Variants in CHPT1 observed in about 807,000 individuals in gnomAD.
CHPT1 encodes the protein choline phosphotransferase 1.
In CHPT1, 36 loss-of-function variants were observed where a neutral mutation model predicts 47.6. The observed-to-expected ratio is 0.76, with a 90% CI of 0.58 to 1.00. The LOEUF is 1.00. Among genes scored for constraint, CHPT1 ranks in the 50% least tolerant of loss-of-function variants. CHPT1 has a pLI of 0.00. For synonymous variants in CHPT1, 194 were observed against 186.3 expected (o/e 1.04, Z -0.33); for missense variants, 458 against 498.1 (o/e 0.92, Z 0.77).
chr12:101,716,661 G>C lies in CHPT1; in HGVS notation c.564-67G>C, dbSNP rs1225431462. 3.2e-6 allele frequency: 3 copies of C among 948,640 alleles called. No homozygotes were observed. In the African/African-American group the frequency reaches 5.0e-5, roughly 16 times the overall value. 58.8% of individuals were successfully genotyped at this position (948,640 alleles called of 1,614,324 possible). ...TTTACATCTTTGCTATTTAATATGT[G>C]ATGAACCTCCATATTCAGGAATTTT... is the stretch of plus-strand genomic sequence containing the variant. On this transcript the variant is annotated intron_variant, in intron 3 of 8. Transcript: ENST00000229266.
rs540254421 is a variant in CHPT1, at chr12:101,707,542, G to A, written c.274-6548G>A. Among the ~76,000 whole-genome samples the A allele has an allele frequency of 2.4e-4, 37 of 152,218 alleles. No individual in the cohort carries two copies. The South Asian group carries it at 7.3e-3, about 30-fold the overall frequency. On this transcript the variant is annotated intron_variant, in intron 1 of 8. Transcript: ENST00000229266. ...TGTCACACTTGGTCCATTAATTGAG[G>A]GATATTGGTTAAACATATACTGTGT...
intron 5 of CHPT1, among the ~76,000 whole-genome samples, chr12:101,721,541 TTATA>T (rs779472120): frequency 1.1e-4 from 17 of 152,308 alleles, no homozygotes; most frequent in South Asian, 2.1e-4. Context: ...TGAATACACT[TTATA>T]TACATAATTC....
chr12:101,724,831 AAATC>A (rs1259164484), intron 7 of CHPT1, among the ~76,000 whole-genome samples: 2 of 152,210 alleles, frequency 1.3e-5, no homozygotes, highest in Non-Finnish European at 2.9e-5. Context: ...AAGGAAAAGA[AAATC>A]AATATTGGTA....
chr12:101,714,878 C>T, intron 3 of CHPT1: 1 of 348,684 alleles, frequency 2.9e-6, no homozygotes. Context: ...CCAACTTAAT[C>T]ATTAGCCCAA....
intron 7 of CHPT1, 38 bp from the exon 8 acceptor site, chr12:101,726,256 T>C: frequency 7.4e-7 from 1 of 1,351,784 alleles, no homozygotes; most frequent in Non-Finnish European, 1.1e-6. Context: ...AAAAGATAGA[T>C]CATAATCGAT....
chr12:101,725,653 A>G (rs368295086), intron 7 of CHPT1, among the ~76,000 whole-genome samples: 2 of 151,880 alleles, frequency 1.3e-5, no homozygotes, highest in East Asian at 1.9e-4. Context: ...CACACACACA[A>G]TGTGGTACTT....
chr12:101,699,286 C>A (rs556677800), intron 1 of CHPT1, among the ~76,000 whole-genome samples: 36 of 152,230 alleles, frequency 2.4e-4, no homozygotes, highest in Non-Finnish European at 4.3e-4. Context: ...CAAGGTTTCA[C>A]CATGTTGGCC....
At chr12:101,727,284 A>ATAAG (rs1951976380) in intron 8 of CHPT1, 1 of 152,304 alleles carries the variant, frequency 6.6e-6, no homozygotes, top group African/African-American at 2.4e-5. Context: ...AAGGGATAAA[A>ATAAG]TAAGTAAAAG....
intron 1 of CHPT1, among the ~76,000 whole-genome samples, chr12:101,706,070 G>A (rs1951627572): frequency 6.6e-6 from 1 of 151,992 alleles, no homozygotes. Context: ...TAGAATACGT[G>A]GCTGGGTGCG....
At chr12:101,719,156 G>GAA (rs779382436) in intron 4 of CHPT1, among the ~76,000 whole-genome samples, 19,730 of 95,000 alleles carry the variant, frequency 0.21, 2,155 homozygotes, top group East Asian at 0.49. Context: ...CTCGTCTCAA[G>GAA]AAAAAAAAAA....
At chr12:101,699,374 TA>T (rs1566033901) in intron 1 of CHPT1, among the ~76,000 whole-genome samples, 14 of 147,360 alleles carry the variant, frequency 9.5e-5, no homozygotes, top group African/African-American at 3.3e-4. Context: ...TTGGTATGCT[TA>T]TTATGTATTT....
chr12:101,719,413 A>C (rs73392417), intron 4 of CHPT1: 1 of 519,320 alleles, frequency 1.9e-6, no homozygotes, highest in African/African-American at 2.0e-5. Flanking sequence ...ATTTCAGTCT[A>C]TTTTCTAAAC....
intron 1 of CHPT1, among the ~76,000 whole-genome samples, chr12:101,711,683 C>CA (rs1225222137): frequency 1.4e-5 from 2 of 148,018 alleles, no homozygotes; most frequent in Admixed American, 6.9e-5. Context: ...GCCACAAAAA[C>CA]AAAAAAATGG....
Position 101,698,174 on chromosome 12 carries a change from C to A in CHPT1, c.273+40C>A, listed in dbSNP as rs1594117755. 2.2e-6 allele frequency: 3 copies of A among 1,392,028 alleles called. No homozygotes were observed. In the East Asian group the frequency reaches 9.1e-5, roughly 42 times the overall value. 86.2% of individuals were successfully genotyped at this position (1,392,028 alleles called of 1,614,324 possible). On this transcript the variant is annotated intron_variant, in intron 1 of 8. Coordinates refer to ENST00000229266, the MANE Select transcript of CHPT1 (RefSeq NM_020244.3). ...TCGCCCGAGCCGGGCCCCAGATGCG[C>A]TGCGGGCGGGTCGCTGGAGGCGCCG...
In CHPT1 at chr12:101,697,882, C is replaced by A. The variant is rs1274005845; in HGVS notation, c.21C>A (p.Ala7=). Reference sequence around the variant, plus strand: ...CGGCCATGGCGGCAGGCGCCGGGGCCGGGTCCGCGCCGCGCTGGCTGAGGG... The same window carrying A: ...CGGCCATGGCGGCAGGCGCCGGGGCAGGGTCCGCGCCGCGCTGGCTGAGGG... The part of the protein sequence containing the change: MAAGAG[A]GSAPRWLRAL... Residue 7 remains alanine (A), a synonymous_variant, in exon 1 of 9, where the codon GCC becomes GCA. Coordinates refer to ENST00000229266, the MANE Select transcript of CHPT1 (RefSeq NM_020244.3). 5 of 1,210,754 alleles carry A rather than the reference C, an allele frequency of 4.1e-6. No homozygotes were observed. In the African/African-American group the frequency reaches 7.9e-5, roughly 19 times the overall value. The allele number at this position is 1,210,754 out of a possible 1,614,324, so 75.0% of individuals were successfully genotyped here. A position where few individuals can be genotyped will look rare whatever the true frequency, so the allele number is the denominator to read the frequency against.
rs115013475 is a variant in CHPT1 at position 101,728,744 on chromosome 12, T to C, written c.1177-157T>C. 2,667 of 761,196 alleles carry C rather than the reference T, an allele frequency of 3.5e-3. 51 individuals are homozygous for C. In the African/African-American group the frequency reaches 0.043, roughly 12 times the overall value. The allele number at this position is 761,196 out of a possible 1,614,324, so 47.2% of individuals were successfully genotyped here. ...AAGCTTAATACATATTCTTTAGGAA[T>C]AGTTGCTAACTAACTCATAACTATT... On this transcript the variant is annotated intron_variant, in intron 8 of 8. Coordinates refer to ENST00000229266, the MANE Select transcript of CHPT1 (RefSeq NM_020244.3).
At position 101,697,873 on chromosome 12, in the gene CHPT1, C is replaced by T. The variant is rs1951485519; in HGVS notation, c.12C>T (p.Gly4=). ...GCCCTCAGGCGGCCATGGCGGCAGG[C>T]GCCGGGGCCGGGTCCGCGCCGCGCT... The part of the protein sequence containing the change: MAA[G]AGAGSAPRWL... Residue 4 remains glycine, a synonymous_variant, in exon 1 of 9, where the codon GGC becomes GGT. Coordinates refer to ENST00000229266, the MANE Select transcript of CHPT1 (RefSeq NM_020244.3). 2 of 1,192,176 alleles carry T rather than the reference C, an allele frequency of 1.7e-6. No individual in the cohort carries two copies. Among genetic ancestry groups the T allele is most frequent in the Non-Finnish European group, 1.0e-6 (1 of 963,172 alleles). 73.8% of individuals were successfully genotyped at this position (1,192,176 alleles called of 1,614,324 possible).
At chr12:101,715,915 G>A (rs1194242932) in intron 3 of CHPT1, among the ~76,000 whole-genome samples, 2 of 152,060 alleles carry the variant, frequency 1.3e-5, no homozygotes, top group East Asian at 3.8e-4. Context: ...CTTAAATATT[G>A]TAAAGAAGTT....
At chr12:101,710,468 G>A (rs1478780882) in intron 1 of CHPT1, among the ~76,000 whole-genome samples, 5 of 149,038 alleles carry the variant, frequency 3.4e-5, no homozygotes. Flanking sequence ...ACTGACTCCA[G>A]TAAACCTTTC....
Sources: gnomAD v4.1 joint callset for allele counts (sites outside exome capture counted in the v4.1 genomes callset) on GRCh38, gnomAD v4.1.1 for gene constraint, MANE v1.5 for transcripts, NCBI Gene and HGNC (gene_info 2026-07-23, HGNC 2026-07-21) for gene names.